The following HDAC9 variants were observed in gnomAD, a reference collection of about 807,000 sequenced individuals.
HDAC9 encodes the protein MEF-2 interacting transcription repressor (MITR) protein.
Under a neutral mutation model 139.4 loss-of-function variants are expected in HDAC9, and 41 were observed. That is an observed-to-expected ratio of 0.29 (90% CI 0.23 to 0.38). The LOEUF (loss-of-function observed/expected upper bound fraction) is 0.38. Among genes scored for constraint, HDAC9 ranks in the 10% least tolerant of loss-of-function variants. The pLI is 1.00. For missense variants in HDAC9, 1,147 were observed against 1,297.0 expected (o/e 0.88, Z 1.78); for synonymous variants, 517 against 476.2 (o/e 1.09, Z -1.12).
intron 22 of HDAC9, among the ~76,000 whole-genome samples, chr7:18,904,043 A>C (rs1801977383): frequency 3.9e-5 from 6 of 152,226 alleles, no homozygotes; most frequent in Admixed American, 1.3e-4. Context: ...TCATAATTAC[A>C]ATACACACAA....
In HDAC9 at chr7:19,001,797, G is replaced by A. The variant is rs1014005509; in HGVS notation, c.*5735G>A. 7 of 152,014 alleles carry A rather than the reference G, an allele frequency of 4.6e-5. No individual in the cohort carries two copies. The highest frequency in any genetic ancestry group is 1.7e-4 in the African/African-American group (7 of 41,412). The allele number at this position is 152,014 out of a possible 1,614,324, so 9.4% of individuals were successfully genotyped here. Reference sequence around the variant, plus strand: ...TTAAAAATGAGTGACCATTTTGTAGGTTACAGCCTCAGCAATCTGTGTCAT... The same window carrying A: ...TTAAAAATGAGTGACCATTTTGTAGATTACAGCCTCAGCAATCTGTGTCAT... On this transcript the variant is annotated 3_prime_UTR_variant, in exon 26 of 26. Transcript: ENST00000686413.
At chr7:18,527,539 C>A (rs1280007795) in intron 2 of HDAC9, among the ~76,000 whole-genome samples, 1 of 152,042 alleles carries the variant, frequency 6.6e-6, no homozygotes, top group African/African-American at 2.4e-5. Flanking sequence ...AAAAATCCCT[C>A]TTTTGGTTTT....
chr7:18,549,627 C>T (rs1007385775), intron 2 of HDAC9, among the ~76,000 whole-genome samples: 1 of 152,018 alleles, frequency 6.6e-6, no homozygotes, highest in South Asian at 2.1e-4. Context: ...TGATATTGTA[C>T]TATTATTATA....
chr7:18,110,547 G>T (rs964932914), intron 1 of HDAC9, among the ~76,000 whole-genome samples: 3 of 152,090 alleles, frequency 2.0e-5, no homozygotes, highest in African/African-American at 4.8e-5. Flanking sequence ...CTCCACATGG[G>T]AATATGGATG....
intron 1 of HDAC9, among the ~76,000 whole-genome samples, chr7:18,307,121 GT>G: frequency 6.6e-6 from 1 of 151,582 alleles, no homozygotes; most frequent in South Asian, 2.1e-4. Context: ...GTGTGTGTGT[GT>G]GTGTGTGTGT....
In HDAC9 at chr7:18,681,115, A is replaced by G. The variant is rs1410404820; in HGVS notation, c.1731+14639A>G. Reference sequence around the variant, plus strand: ...TTTCATTGCATCACTTTAGCCCTAAACTTAGCTGACAAACTGTCATTCTAA... The same window carrying G: ...TTTCATTGCATCACTTTAGCCCTAAGCTTAGCTGACAAACTGTCATTCTAA... On this transcript the variant is annotated intron_variant, in intron 12 of 25. Coordinates refer to ENST00000686413, the MANE Select transcript of HDAC9 (RefSeq NM_178425.4). Among the ~76,000 whole-genome samples, 3 of 152,020 alleles carry G rather than the reference A, an allele frequency of 2.0e-5. No homozygotes were observed. The East Asian group carries it at 5.8e-4, about 30-fold the overall frequency.
intron 25 of HDAC9, among the ~76,000 whole-genome samples, chr7:18,986,789 C>G (rs1785395462): frequency 6.6e-6 from 1 of 152,048 alleles, no homozygotes; most frequent in South Asian, 2.1e-4. Context: ...TCCTTCACAT[C>G]CCTTGTAAGT....
intron 4 of HDAC9, 123 bp from the exon 5 acceptor site, chr7:18,591,393 G>T: frequency 7.6e-7 from 1 of 1,320,182 alleles, no homozygotes. Context: ...TGTGACCAGC[G>T]ATTTTACTTC....
chr7:18,676,362 C>T (rs10240305), intron 12 of HDAC9, among the ~76,000 whole-genome samples: 9,427 of 151,628 alleles, frequency 0.062, 927 homozygotes, highest in African/African-American at 0.21. Context: ...CACCTACTAT[C>T]TCTAGTTAGG....
chr7:18,271,241 A>T (rs1796330098), intron 2 of HDAC9, among the ~76,000 whole-genome samples: 1 of 152,226 alleles, frequency 6.6e-6, no homozygotes, highest in Non-Finnish European at 1.5e-5. Context: ...ACCTGTTTTC[A>T]ATTAGAGAGA....
intron 11 of HDAC9, among the ~76,000 whole-genome samples, chr7:18,655,612 T>C (rs1324628543): frequency 6.6e-6 from 1 of 152,172 alleles, no homozygotes; most frequent in African/African-American, 2.4e-5. Context: ...TATTATTAGA[T>C]GTGATGAAAT....
chr7:18,306,460 GTTTACATGGT>G (rs548581986), intron 1 of HDAC9, among the ~76,000 whole-genome samples: 2 of 152,274 alleles, frequency 1.3e-5, no homozygotes, highest in African/African-American at 4.8e-5. Flanking sequence ...CCAGAAATAT[GTTTACATGGT>G]TTTGAAGTAG....
At chr7:18,307,097 T>TTGTGTGTGTGTGTGTG (rs56020648) in intron 1 of HDAC9, among the ~76,000 whole-genome samples, 16 of 134,876 alleles carry the variant, frequency 1.2e-4, no homozygotes, top group Middle Eastern at 3.9e-3. Context: ...AGGGCAGTTC[T>TTGTGTGTGTGTGTGTG]TGTGTGTGTG....
At chr7:18,409,438 TGTAATGC>T (rs1788336911) in intron 1 of HDAC9, among the ~76,000 whole-genome samples, 1 of 152,112 alleles carries the variant, frequency 6.6e-6, no homozygotes, top group African/African-American at 2.4e-5. Flanking sequence ...AAGTGAAAAG[TGTAATGC>T]TTATAGACAA....
intron 2 of HDAC9, among the ~76,000 whole-genome samples, chr7:18,184,857 C>T (rs560942362): frequency 1.5e-4 from 23 of 152,244 alleles, no homozygotes; most frequent in Middle Eastern, 3.4e-3. Context: ...GTATCAGAGT[C>T]ACATTTTTAT....
intron 12 of HDAC9, among the ~76,000 whole-genome samples, chr7:18,682,216 T>C (rs1011114399): frequency 3.9e-5 from 6 of 152,072 alleles, no homozygotes; most frequent in Non-Finnish European, 1.5e-5. Flanking sequence ...TTTTGCATTT[T>C]GTTTAAGGGC....
At chr7:18,123,630 A>G (rs1784486032) in intron 1 of HDAC9, among the ~76,000 whole-genome samples, 1 of 152,166 alleles carries the variant, frequency 6.6e-6, no homozygotes, top group South Asian at 2.1e-4. Flanking sequence ...CATTTTGGCA[A>G]TGAGGATCAG....
At chr7:18,425,740 T>G (rs1028862608) in intron 1 of HDAC9, among the ~76,000 whole-genome samples, 12 of 152,146 alleles carry the variant, frequency 7.9e-5, no homozygotes, top group African/African-American at 2.4e-4. Flanking sequence ...GAGAGGAAAT[T>G]TCTTCCTAGC....
intron 2 of HDAC9, among the ~76,000 whole-genome samples, chr7:18,249,493 A>G (rs1236281203): frequency 1.6e-5 from 2 of 123,734 alleles, no homozygotes; most frequent in Admixed American, 1.7e-4. Flanking sequence ...ACAGAGCAAG[A>G]CTCTGTCTCA....
Sources: allele counts gnomAD v4.1 joint callset (sites outside exome capture counted in the v4.1 genomes callset), GRCh38; gene constraint gnomAD v4.1.1; transcripts MANE v1.5; gene names NCBI Gene and HGNC (gene_info 2026-07-23, HGNC 2026-07-21).